DLG1: variants seen among roughly 807,000 people sequenced by gnomAD.
DLG1 encodes the protein disks large homolog 1.
A neutral mutation model predicts 123.4 loss-of-function variants in DLG1; 42 were observed. The observed-to-expected ratio is 0.34, with a 90% CI of 0.27 to 0.44. The LOEUF is 0.44. Ranked by LOEUF, DLG1 falls within the 20% of genes least tolerant of loss-of-function variation. DLG1 has a pLI of 1.00. For missense variants in DLG1, 942 were observed against 1,082.6 expected, an observed-to-expected ratio of 0.87 and a Z score of 1.82; for synonymous variants, 317 against 356.2, an observed-to-expected ratio of 0.89 and a Z score of 1.24.
intron 13 of DLG1, among the ~76,000 whole-genome samples, chr3:197,115,105 G>A (rs1162882263): frequency 1.3e-5 from 2 of 151,618 alleles, no homozygotes; most frequent in East Asian, 3.9e-4. Flanking sequence ...ACAGAAGAGG[G>A]AAGATACAAG....
intron 4 of DLG1, among the ~76,000 whole-genome samples, chr3:197,281,022 C>CTT (rs34918314): frequency 1.0e-4 from 14 of 133,584 alleles, no homozygotes; most frequent in East Asian, 2.1e-4. Context: ...TGTGGAGGCT[C>CTT]TTTTTTTTTT....
intron 18 of DLG1, chr3:197,075,964 C>G: frequency 9.3e-7 from 1 of 1,071,874 alleles, no homozygotes; most frequent in Non-Finnish European, 1.4e-6. Flanking sequence ...CAGTAAGAGA[C>G]AGTTCCAAGA....
At chr3:197,143,942 A>G (rs1789364103) in intron 6 of DLG1, among the ~76,000 whole-genome samples, 1 of 152,222 alleles carries the variant, frequency 6.6e-6, no homozygotes, top group African/African-American at 2.4e-5. Context: ...GCCACTGGTG[A>G]AACAAGTCCC....
chr3:197,296,958 G>GGGC (rs1478432496), intron 2 of DLG1: 3 of 552,358 alleles, frequency 5.4e-6, no homozygotes, highest in Non-Finnish European at 6.3e-6. Flanking sequence ...TCTGTTGGGG[G>GGGC]GGGGCTAACT....
intron 6 of DLG1, among the ~76,000 whole-genome samples, chr3:197,148,093 A>C (rs1350569198): frequency 1.3e-5 from 2 of 151,548 alleles, no homozygotes; most frequent in African/African-American, 4.9e-5. Flanking sequence ...TCCATTTATA[A>C]CAGCATCGTA....
intron 4 of DLG1, among the ~76,000 whole-genome samples, chr3:197,245,001 A>G (rs890768739): frequency 1.1e-4 from 16 of 152,174 alleles, no homozygotes; most frequent in Non-Finnish European, 2.2e-4. Context: ...TCACAAGGAG[A>G]TAAGCCAACT....
chr3:197,109,624 C>T (rs1396442500), intron 13 of DLG1, among the ~76,000 whole-genome samples: 1 of 152,178 alleles, frequency 6.6e-6, no homozygotes, highest in African/African-American at 2.4e-5. Flanking sequence ...ATTTGAGTTA[C>T]TCTCTAGTTT....
At chr3:197,085,087 C>A (rs1039384020) in intron 16 of DLG1, among the ~76,000 whole-genome samples, 7 of 151,252 alleles carry the variant, frequency 4.6e-5, no homozygotes, top group Non-Finnish European at 7.4e-5. Flanking sequence ...CGTGCCCAGC[C>A]TAATTGTATA....
intron 4 of DLG1, among the ~76,000 whole-genome samples, chr3:197,247,584 G>C (rs1020545789): frequency 1.8e-4 from 27 of 152,124 alleles, no homozygotes; most frequent in Non-Finnish European, 3.2e-4. Flanking sequence ...TGACAAATTT[G>C]AATCCTCATT....
chr3:197,169,840 C>T (rs1803241904), intron 5 of DLG1, among the ~76,000 whole-genome samples: 1 of 152,126 alleles, frequency 6.6e-6, no homozygotes, highest in African/African-American at 2.4e-5. Flanking sequence ...ATTTGTTGTA[C>T]AGATTATTTC....
chr3:197,100,142 T>C (rs1762690185), intron 14 of DLG1, among the ~76,000 whole-genome samples: 1 of 152,230 alleles, frequency 6.6e-6, no homozygotes, highest in South Asian at 2.1e-4. Flanking sequence ...TTTAATTACC[T>C]ATCTACTACT....
At chr3:197,108,545 T>G (rs1370578906) in intron 13 of DLG1, among the ~76,000 whole-genome samples, 1 of 152,132 alleles carries the variant, frequency 6.6e-6, no homozygotes, top group African/African-American at 2.4e-5. Context: ...TAGAAATGTA[T>G]TGGTAATTAG....
chr3:197,293,020 T>C (rs989478864), intron 3 of DLG1, among the ~76,000 whole-genome samples: 9 of 152,198 alleles, frequency 5.9e-5, no homozygotes, highest in African/African-American at 2.2e-4. Context: ...GAAACCACTA[T>C]GGACCTGAAT....
chr3:197,175,681 G>A (rs1001761787), intron 5 of DLG1, among the ~76,000 whole-genome samples: 6 of 152,102 alleles, frequency 3.9e-5, no homozygotes, highest in African/African-American at 1.2e-4. Context: ...TTCTCCATGC[G>A]AGGCTCTGGG....
At position 197,238,492 on chromosome 3, in the gene DLG1, T is replaced by C. The variant is rs184687904; in HGVS notation, c.319-43903A>G. ...AAGAACTATATGGAAATGACAGAAC[T>C]GAAAATACAATAACACTAAAGACTC... On this transcript the variant is annotated intron_variant, in intron 4 of 24. Coordinates refer to ENST00000667157, the MANE Select transcript of DLG1 (RefSeq NM_001366207.1). 1.4e-3 allele frequency among the ~76,000 whole-genome samples: 216 copies of C among 151,990 alleles called. 2 individuals carry two copies. Among genetic ancestry groups the C allele is most frequent in the African/African-American group, 4.9e-3 (202 of 41,472 alleles).
At chr3:197,249,586 C>A (rs964522137) in intron 4 of DLG1, among the ~76,000 whole-genome samples, 30 of 151,820 alleles carry the variant, frequency 2.0e-4, no homozygotes, top group Non-Finnish European at 3.7e-4. Context: ...ACTGTGATTC[C>A]AAAACCAGAC....
intron 4 of DLG1, among the ~76,000 whole-genome samples, chr3:197,206,240 T>C (rs895960671): frequency 1.3e-5 from 2 of 152,164 alleles, no homozygotes; most frequent in African/African-American, 4.8e-5. Flanking sequence ...TCTTCTAAGA[T>C]GGCATTTAAA....
Position 197,260,345 on chromosome 3 carries a change from TG to T in DLG1, c.318+22333del, listed in dbSNP as rs752784463. ...GCAAAACTATTTTAAGTTGCCTAGT[TG>T]AACAAAACATGTAAATAAAAATAAA... On this transcript the variant is annotated intron_variant, in intron 4 of 24. Transcript: ENST00000667157. 11 of 389,466 alleles carry T rather than the reference TG, an allele frequency of 2.8e-5. 1 individual carries two copies. Among genetic ancestry groups the T allele is most frequent in the South Asian group, 2.2e-4 (11 of 51,074 alleles). 24.1% of individuals were successfully genotyped at this position (389,466 alleles called of 1,614,324 possible). A position where few individuals can be genotyped will look rare whatever the true frequency, so the allele number is the denominator to read the frequency against.
At chr3:197,241,559 G>A (rs974450297) in intron 4 of DLG1, among the ~76,000 whole-genome samples, 10 of 152,060 alleles carry the variant, frequency 6.6e-5, no homozygotes, top group African/African-American at 1.4e-4. Flanking sequence ...ATCCACTCAC[G>A]ACTCTAGTAT....
Sources: gnomAD v4.1 joint callset for allele counts (sites outside exome capture counted in the v4.1 genomes callset) on GRCh38, gnomAD v4.1.1 for gene constraint, MANE v1.5 for transcripts, NCBI Gene and HGNC (gene_info 2026-07-23, HGNC 2026-07-21) for gene names.